The following DHRS3 variants were observed in gnomAD, a reference collection of about 807,000 sequenced individuals.
DHRS3 encodes dehydrogenase/reductase 3.
In DHRS3, 14 loss-of-function variants were observed where a neutral mutation model predicts 27.2. The ratio of observed to expected loss-of-function variants is 0.52; its 90% CI spans 0.34 to 0.81. DHRS3 has a LOEUF of 0.81. Among genes scored for constraint, DHRS3 ranks in the 30% least tolerant of loss-of-function variants. The pLI is 0.01. For synonymous variants in DHRS3, 165 were observed against 175.9 expected (o/e 0.94, Z 0.49); for missense variants, 322 against 406.2 (o/e 0.79, Z 1.78).
At position 12,579,320 on chromosome 1, in the gene DHRS3, T is replaced by C; in HGVS notation, c.432A>G (p.Gln144=). The C allele has an allele frequency of 6.2e-7, 1 of 1,614,120 alleles. No homozygotes were observed. Among genetic ancestry groups the C allele is most frequent in the South Asian group, 1.1e-5 (1 of 91,086 alleles). ...AGAACTGGCCCAGGGTGTTGATGTGTTGGGACTTGAGGAGGGCATCATCAT... is the reference window on the plus strand; with the variant it reads ...AGAACTGGCCCAGGGTGTTGATGTGCTGGGACTTGAGGAGGGCATCATCAT... ...DSDDDALLKS[Q]HINTLGQFWT... is the part of the protein sequence containing the mutation. Residue 144 remains glutamine, a synonymous_variant, in exon 3 of 6, where the codon CAA becomes CAG. Coordinates refer to ENST00000616661, the MANE Select transcript of DHRS3 (RefSeq NM_004753.7).
intron 1 of DHRS3, among the ~76,000 whole-genome samples, chr1:12,614,738 TC>T (rs1646933481): frequency 6.8e-6 from 1 of 146,448 alleles, no homozygotes. Context: ...TTTGGGGTCT[TC>T]CCCCTCCCAG....
At chr1:12,611,425 C>T (rs1025961608) in intron 1 of DHRS3, among the ~76,000 whole-genome samples, 7 of 152,212 alleles carry the variant, frequency 4.6e-5, no homozygotes, top group Admixed American at 2.0e-4. Context: ...GAAATACTAA[C>T]GTCTTCTGCA....
At chr1:12,588,447 T>C (rs531917224) in intron 1 of DHRS3, among the ~76,000 whole-genome samples, 9 of 152,352 alleles carry the variant, frequency 5.9e-5, no homozygotes, top group Admixed American at 5.9e-4. Context: ...TAAGAGCAGA[T>C]CTGCCTGACT....
intron 5 of DHRS3, 38 bp downstream of exon 5, chr1:12,572,690 T>C: frequency 1.3e-6 from 2 of 1,558,784 alleles, no homozygotes; most frequent in Admixed American, 3.9e-5. Flanking sequence ...ACATGCGTAC[T>C]TTCCCCTGAC....
chr1:12,613,240 CCTG>C, intron 1 of DHRS3, among the ~76,000 whole-genome samples: 2 of 152,216 alleles, frequency 1.3e-5, no homozygotes, highest in Admixed American at 1.3e-4. Flanking sequence ...AACCCAGAAC[CCTG>C]CTGATGCCTT....
chr1:12,597,666 CTG>C (rs1646807936), intron 1 of DHRS3, among the ~76,000 whole-genome samples: 1 of 152,170 alleles, frequency 6.6e-6, no homozygotes, highest in Non-Finnish European at 1.5e-5. Flanking sequence ...TGCCCAGTGA[CTG>C]TGTGAATGAA....
intron 1 of DHRS3, chr1:12,616,535 G>T: frequency 1.0e-6 from 1 of 985,080 alleles, no homozygotes; most frequent in Non-Finnish European, 1.2e-6. Flanking sequence ...GTGAGAACAA[G>T]GGCTCTTTAT....
chr1:12,595,350 C>T (rs1646786094), intron 1 of DHRS3, among the ~76,000 whole-genome samples: 2 of 141,562 alleles, frequency 1.4e-5, no homozygotes, highest in Non-Finnish European at 3.1e-5. Context: ...CTCAGCGGGT[C>T]GGGCAGGAGG....
rs995690445 is a variant in DHRS3, at chr1:12,586,682, T to A, written c.196-6016A>T. Among the ~76,000 whole-genome samples, 22 of 152,186 alleles carry A rather than the reference T, an allele frequency of 1.4e-4. No homozygotes were observed. The highest frequency in any genetic ancestry group is 2.5e-4 in the Non-Finnish European group (17 of 68,030). ...TTGACAAGGTAGCCATATCATAATT[T>A]TAAAGATAAGGAAACTGCAGTTCAG... On this transcript the variant is annotated intron_variant, in intron 1 of 5. Coordinates refer to ENST00000616661, the MANE Select transcript of DHRS3 (RefSeq NM_004753.7). This position sits in a 1 kb window ranked among gnomAD's most constrained non-coding sequence, Gnocchi z 5.0.
In DHRS3 at chr1:12,586,006, C is replaced by T. The variant is rs1296059419; in HGVS notation, c.196-5340G>A. On this transcript the variant is annotated intron_variant, in intron 1 of 5. Coordinates refer to ENST00000616661, the MANE Select transcript of DHRS3 (RefSeq NM_004753.7). The surrounding 1 kb of genome is among the most constrained non-coding windows in gnomAD (Gnocchi z 5.0). The stretch of plus-strand genomic sequence containing the variant: ...GGGTGGCTCAACACCTCCAAGGCCT[C>T]TCCTCCTCTTCCCTCCCATCTGGGG... Among the ~76,000 whole-genome samples, 1 of 151,190 alleles carries T rather than the reference C, an allele frequency of 6.6e-6. No homozygotes were observed. Among genetic ancestry groups the T allele is most frequent in the Non-Finnish European group, 1.5e-5 (1 of 67,712 alleles).
intron 1 of DHRS3, among the ~76,000 whole-genome samples, chr1:12,603,044 TC>T (rs1196173612): frequency 6.6e-6 from 1 of 152,100 alleles, no homozygotes; most frequent in Non-Finnish European, 1.5e-5. Context: ...TTGGGCTGAG[TC>T]CCCCTTGGAG....
chr1:12,589,207 C>T (rs1307256037), intron 1 of DHRS3, among the ~76,000 whole-genome samples: 6 of 152,128 alleles, frequency 3.9e-5, no homozygotes, highest in South Asian at 2.1e-4. Context: ...ACTAGAATTT[C>T]CCCCTTTCAC....
At chr1:12,603,529 T>C (rs1222342027) in intron 1 of DHRS3, among the ~76,000 whole-genome samples, 2 of 152,134 alleles carry the variant, frequency 1.3e-5, no homozygotes, top group African/African-American at 2.4e-5. Flanking sequence ...CCCTACCTTC[T>C]TGGGGCCTCT....
intron 1 of DHRS3, among the ~76,000 whole-genome samples, chr1:12,597,584 C>T (rs540872286): frequency 3.1e-4 from 47 of 152,346 alleles, no homozygotes; most frequent in Admixed American, 1.0e-3. Flanking sequence ...CTATTTCTCC[C>T]ATTCTCAAAC....
chr1:12,589,385 CTTTTTCTTTTT>C (rs1399511649), intron 1 of DHRS3, among the ~76,000 whole-genome samples: 1 of 134,780 alleles, frequency 7.4e-6, no homozygotes, highest in Non-Finnish European at 1.6e-5. Flanking sequence ...CTTTTCTTTT[CTTTTTCTTTTT>C]TTTTTTTTTT....
chr1:12,569,497 C>T (rs948814250), intron 5 of DHRS3, among the ~76,000 whole-genome samples: 4 of 152,072 alleles, frequency 2.6e-5, no homozygotes, highest in African/African-American at 7.2e-5. Context: ...GTATCCATCA[C>T]CTCAAGCATT....
intron 1 of DHRS3, among the ~76,000 whole-genome samples, chr1:12,602,591 G>C (rs1487326106): frequency 2.0e-5 from 3 of 152,222 alleles, no homozygotes; most frequent in Non-Finnish European, 4.4e-5. Context: ...GCTGGAGCAG[G>C]GGGTATCCAC....
intron 1 of DHRS3, 64 bp from the exon 2 acceptor site, chr1:12,580,730 C>T: frequency 3.2e-6 from 5 of 1,543,768 alleles, no homozygotes; most frequent in Non-Finnish European, 3.5e-6. Flanking sequence ...CAACAATTGC[C>T]ACCAGAAATT....
intron 1 of DHRS3, among the ~76,000 whole-genome samples, chr1:12,583,235 C>T (rs1646660623): frequency 6.7e-6 from 1 of 148,328 alleles, no homozygotes; most frequent in South Asian, 2.2e-4. Context: ...ACCTACCCCA[C>T]TGTACCCACT....
Sources: allele counts gnomAD v4.1 joint callset (sites outside exome capture counted in the v4.1 genomes callset), GRCh38; gene constraint gnomAD v4.1.1; non-coding constraint Gnocchi (gnomAD v3.1); transcripts MANE v1.5; gene names NCBI Gene and HGNC (gene_info 2026-07-23, HGNC 2026-07-21).